GLI2: variants seen among roughly 807,000 people sequenced by gnomAD.
GLI2 encodes the protein transcription activator GLI2.
A neutral mutation model predicts 78.9 loss-of-function variants in GLI2; 22 were observed. That is an observed-to-expected ratio of 0.28 (90% confidence interval 0.20 to 0.40). The LOEUF (loss-of-function observed/expected upper bound fraction) is 0.40. GLI2 is among the 10% of genes least tolerant of loss of function. The pLI is 1.00. For missense variants in GLI2, 2,097 were observed against 2,213.2 expected, an observed-to-expected ratio of 0.95 and a Z score of 1.05; for synonymous variants, 974 against 963.7, an observed-to-expected ratio of 1.01 and a Z score of -0.20.
chr2:120,920,745 A>G (rs1679331667), intron 2 of GLI2, among the ~76,000 whole-genome samples: 1 of 151,650 alleles, frequency 6.6e-6, no homozygotes, highest in Non-Finnish European at 1.5e-5. Flanking sequence ...GTGATGATCC[A>G]TTGAAAATTC....
rs564056377 is a variant in GLI2, at chr2:120,840,021, A to G, written c.148+42553A>G. On this transcript the variant is annotated intron_variant, in intron 2 of 13. Coordinates refer to ENST00000361492, the MANE Select transcript of GLI2 (RefSeq NM_001374353.1). Reference sequence around the variant, plus strand: ...GGTGTGCTTTGACATTATTTTCCCAATTCCTTGAATTGGGCACCTATGTGA... The same window carrying G: ...GGTGTGCTTTGACATTATTTTCCCAGTTCCTTGAATTGGGCACCTATGTGA... Among the ~76,000 whole-genome samples the G allele has an allele frequency of 3.5e-4, 54 of 152,168 alleles. No homozygotes were observed. The South Asian group carries it at 0.011, about 30-fold the overall frequency.
At chr2:120,770,630 C>T (rs1401023569) in intron 1 of GLI2, among the ~76,000 whole-genome samples, 1 of 152,188 alleles carries the variant, frequency 6.6e-6, no homozygotes, top group African/African-American at 2.4e-5. Context: ...CAGTTTCTGG[C>T]TTGCCTCTCT....
At chr2:120,823,328 G>A (rs1198778052) in intron 2 of GLI2, among the ~76,000 whole-genome samples, 1 of 152,144 alleles carries the variant, frequency 6.6e-6, no homozygotes, top group Non-Finnish European at 1.5e-5. Context: ...ACAGTGGGGG[G>A]AAGGGACTGG....
At chr2:120,831,687 C>T (rs1686367928) in intron 2 of GLI2, among the ~76,000 whole-genome samples, 2 of 152,094 alleles carry the variant, frequency 1.3e-5, no homozygotes, top group Admixed American at 6.5e-5. Context: ...AGGTTATTGT[C>T]CCAGTCTGTA....
intron 2 of GLI2, among the ~76,000 whole-genome samples, chr2:120,881,970 C>T (rs1677175782): frequency 6.6e-6 from 1 of 151,922 alleles, no homozygotes; most frequent in Non-Finnish European, 1.5e-5. Flanking sequence ...AACGAATGGT[C>T]CAGGTCTTTT....
At chr2:120,762,414 G>A (rs1011599701) in intron 1 of GLI2, among the ~76,000 whole-genome samples, 7 of 152,176 alleles carry the variant, frequency 4.6e-5, no homozygotes, top group Non-Finnish European at 8.8e-5. Context: ...AAGCCTGCCC[G>A]CTGGAATTTG....
intron 1 of GLI2, among the ~76,000 whole-genome samples, chr2:120,782,854 A>C (rs1428999467): frequency 6.6e-6 from 1 of 152,234 alleles, no homozygotes; most frequent in Admixed American, 6.5e-5. Context: ...CTCCCGGTTG[A>C]GAACTGCTGC....
At chr2:120,781,855 C>T (rs1217397284) in intron 1 of GLI2, among the ~76,000 whole-genome samples, 1 of 151,566 alleles carries the variant, frequency 6.6e-6, no homozygotes, top group Non-Finnish European at 1.5e-5. Flanking sequence ...TGTACTCCAG[C>T]CTGGTGACAG....
At chr2:120,794,066 C>A (rs1684273133) in intron 1 of GLI2, among the ~76,000 whole-genome samples, 1 of 152,202 alleles carries the variant, frequency 6.6e-6, no homozygotes, top group Non-Finnish European at 1.5e-5. Context: ...TTGAGCTGGG[C>A]CTGGCTGTGG....
At chr2:120,860,377 T>G (rs1002930415) in intron 2 of GLI2, among the ~76,000 whole-genome samples, 1 of 152,188 alleles carries the variant, frequency 6.6e-6, no homozygotes, top group African/African-American at 2.4e-5. Flanking sequence ...TGGGGCTCAC[T>G]GTCCTCAGGT....
At chr2:120,894,622 C>A (rs1477158618) in intron 2 of GLI2, among the ~76,000 whole-genome samples, 1 of 151,796 alleles carries the variant, frequency 6.6e-6, no homozygotes, top group East Asian at 1.9e-4. Flanking sequence ...GGGGGGGTAC[C>A]AGTGATTTCA....
chr2:120,955,151 GCC>G (rs1491405297), intron 4 of GLI2, 92 bp from the exon 5 acceptor site: 34 of 412,724 alleles, frequency 8.2e-5, no homozygotes, highest in Admixed American at 3.1e-4. Flanking sequence ...ATTTCTCTCT[GCC>G]TTTTTTTTTT....
rs200537256 is a variant in GLI2, at chr2:120,989,537, G to A, written c.3572G>A (p.Arg1191His). 1.6e-4 allele frequency: 265 copies of A among 1,612,388 alleles called. No homozygotes were observed. Among genetic ancestry groups the A allele is most frequent in the Admixed American group, 7.0e-4 (42 of 59,948 alleles). ...AGCACGCAGCCACACCTGCAGCCCC[G>A]CAGCGGAGCCCCCTCCCAGGGCATC... ...LDSTQPHLQP[R>H]SGAPSQGIPR... Residue 1191 changes from arginine to histidine, a missense_variant, in exon 14 of 14, where the codon CGC becomes CAC. Arg to His is a conservative substitution (Grantham distance 29, BLOSUM62 0). Around this residue, in one of 5 missense-constraint regions of GLI2, gnomAD observed 1,290 missense variants for 1,261.7 expected, o/e 1.02. Transcript: ENST00000361492.
At chr2:120,820,017 C>T (rs963976438) in intron 2 of GLI2, among the ~76,000 whole-genome samples, 5 of 152,092 alleles carry the variant, frequency 3.3e-5, no homozygotes, top group African/African-American at 7.2e-5. Context: ...GATGGCCAGC[C>T]GCCAAGGCCA....
In GLI2 at chr2:120,988,796, C is replaced by A. The variant is rs1357813577; in HGVS notation, c.2831C>A (p.Ala944Asp). ...GCTGCGCCCGCCTTCCCCCACGAGG[C>A]TCCAGGCGGCGGAGCCAGGCGGGCC... is the stretch of plus-strand genomic sequence containing the variant. ...AGAAPAFPHE[A>D]PGGGARRASD... The change falls in exon 14 of 14, where the codon GCT (alanine) becomes GAT (aspartate). Residue 944 changes from alanine (A) to aspartate (D), a missense_variant. By Grantham distance (126) the Ala-to-Asp change is moderately radical. Coordinates refer to ENST00000361492, the MANE Select transcript of GLI2 (RefSeq NM_001374353.1). 1 of 1,384,270 alleles carries A rather than the reference C, an allele frequency of 7.2e-7. No individual in the cohort carries two copies. 85.7% of individuals were successfully genotyped at this position (1,384,270 alleles called of 1,614,324 possible). A position where few individuals can be genotyped will look rare whatever the true frequency, so the allele number is the denominator to read the frequency against.
rs1435815897 is a variant in GLI2, at chr2:120,988,902, C to A, written c.2937C>A (p.Gly979=). 1.3e-6 allele frequency: 2 copies of A among 1,508,932 alleles called. No homozygotes were observed. The highest frequency in any genetic ancestry group is 2.8e-5 in the African/African-American group (2 of 70,710). 93.5% of individuals were successfully genotyped at this position (1,508,932 alleles called of 1,614,324 possible). A position where few individuals can be genotyped will look rare whatever the true frequency, so the allele number is the denominator to read the frequency against. ...RFHSTHNVNP[G]PLPPCADRRG... ...ACAGCACCCACAACGTGAACCCCGG[C>A]CCGCTGCCGCCCTGTGCCGACAGGC... Residue 979 remains glycine, a synonymous_variant, in exon 14 of 14, where the codon GGC becomes GGA. Transcript: ENST00000361492.
intron 1 of GLI2, among the ~76,000 whole-genome samples, chr2:120,775,811 G>T (rs1232280477): frequency 6.6e-6 from 1 of 152,206 alleles, no homozygotes; most frequent in East Asian, 1.9e-4. Context: ...TTCCCCTGGG[G>T]GGAATGTGAG....
At chr2:120,931,972 T>C (rs1679963918) in intron 3 of GLI2, among the ~76,000 whole-genome samples, 1 of 152,104 alleles carries the variant, frequency 6.6e-6, no homozygotes, top group Admixed American at 6.5e-5. Flanking sequence ...CCCGCCAGAC[T>C]GAGTGGGGGA....
intron 3 of GLI2, among the ~76,000 whole-genome samples, chr2:120,943,097 G>A (rs1680542485): frequency 6.6e-6 from 1 of 152,236 alleles, no homozygotes; most frequent in South Asian, 2.1e-4. Context: ...GGAGACAGGA[G>A]GCCTGTGAGC....
Sources: allele counts gnomAD v4.1 joint callset (sites outside exome capture counted in the v4.1 genomes callset), GRCh38; gene constraint gnomAD v4.1.1; regional missense constraint gnomAD v4.1.1; transcripts MANE v1.5; gene names NCBI Gene and HGNC (gene_info 2026-07-23, HGNC 2026-07-21).